C12orf56: variants seen among roughly 807,000 people sequenced by gnomAD.
The protein encoded by C12orf56 is chromosome 12 open reading frame 56, also known as uncharacterized protein C12orf56.
C12orf56 carries 71 observed loss-of-function variants against 69.9 expected under a neutral mutation model. That is an observed-to-expected ratio of 1.02 (90% CI 0.84 to 1.24). The LOEUF (loss-of-function observed/expected upper bound fraction) is 1.24, where lower values mean the gene tolerates loss of function less well. Ranked by LOEUF, C12orf56 falls within the 50% of genes most tolerant of loss-of-function variation. C12orf56 has a pLI of 0.00. For missense variants in C12orf56, 732 were observed against 738.5 expected, an observed-to-expected ratio of 0.99 and a Z score of 0.10; for synonymous variants, 276 against 274.1, an observed-to-expected ratio of 1.01 and a Z score of -0.07.
chr12:64,358,482 A>AATAATAATAATCATC (rs11275269), intron 1 of C12orf56, among the ~76,000 whole-genome samples: 1 of 125,948 alleles, frequency 7.9e-6, no homozygotes. Context: ...TAATAATAAT[A>AATAATAATAATCATC]ATCATCATCA....
intron 1 of C12orf56, among the ~76,000 whole-genome samples, chr12:64,354,484 T>C (rs921913172): frequency 2.6e-5 from 4 of 151,758 alleles, no homozygotes; most frequent in African/African-American, 9.7e-5. Context: ...TGAGATGGAG[T>C]CTTGCTCTTG....
chr12:64,280,366 T>C (rs1336903501), intron 8 of C12orf56, among the ~76,000 whole-genome samples: 1 of 152,226 alleles, frequency 6.6e-6, no homozygotes, highest in Non-Finnish European at 1.5e-5. Context: ...TTCTAATGTA[T>C]GAATTTTGAA....
At chr12:64,309,234 G>T (rs2038574560) in intron 5 of C12orf56, among the ~76,000 whole-genome samples, 1 of 152,064 alleles carries the variant, frequency 6.6e-6, no homozygotes, top group Non-Finnish European at 1.5e-5. Flanking sequence ...TCCATTTCCA[G>T]AACTTTTTCA....
intron 1 of C12orf56, among the ~76,000 whole-genome samples, chr12:64,382,187 A>G (rs753952532): frequency 9.4e-5 from 14 of 149,732 alleles, no homozygotes; most frequent in Non-Finnish European, 1.9e-4. Flanking sequence ...CGCTTGAACC[A>G]GGAGGCGGAG....
intron 6 of C12orf56, among the ~76,000 whole-genome samples, chr12:64,297,921 A>T (rs973901997): frequency 6.6e-6 from 1 of 152,232 alleles, no homozygotes; most frequent in Non-Finnish European, 1.5e-5. Flanking sequence ...TTGCTGAGTT[A>T]AATGGTATTT....
In C12orf56 at chr12:64,390,464, G is replaced by A. The variant is rs1220401355; in HGVS notation, c.102C>T (p.Arg34=). ...HLPPEVYDAV[R]AYEPCIVVSN... is the part of the protein sequence containing the mutation. ...ACACCACGATGCATGGCTCGTAGGCGCGGACCGCGTCGTAGACCTCGGGCG... is the reference window on the plus strand; with the variant it reads ...ACACCACGATGCATGGCTCGTAGGCACGGACCGCGTCGTAGACCTCGGGCG... Residue 34 remains arginine (R), a synonymous_variant, in exon 1 of 13, where the codon CGC becomes CGT. Coordinates refer to ENST00000543942, the MANE Select transcript of C12orf56 (RefSeq NM_001170633.2). 3 of 1,608,026 alleles carry A rather than the reference G, an allele frequency of 1.9e-6. No individual in the cohort carries two copies. Among genetic ancestry groups the A allele is most frequent in the African/African-American group, 1.3e-5 (1 of 74,918 alleles).
intron 1 of C12orf56, among the ~76,000 whole-genome samples, chr12:64,369,805 AC>A (rs2039545391): frequency 6.6e-6 from 1 of 151,178 alleles, no homozygotes; most frequent in Non-Finnish European, 1.5e-5. Flanking sequence ...ACATGGTGAA[AC>A]CCCGTCTCTA....
intron 8 of C12orf56, among the ~76,000 whole-genome samples, chr12:64,279,241 A>C (rs1471922024): frequency 2.0e-5 from 3 of 152,120 alleles, no homozygotes; most frequent in African/African-American, 7.2e-5. Context: ...TAAAATGCTT[A>C]TTTGATCCCA....
chr12:64,303,789 CAG>C lies in C12orf56; in HGVS notation c.969-12_969-11del, dbSNP rs747821217. 22 of 1,565,986 alleles carry C rather than the reference CAG, an allele frequency of 1.4e-5. No individual in the cohort carries two copies. The African/African-American group carries it at 2.5e-4, about 18-fold the overall frequency. On this transcript the variant is annotated splice_polypyrimidine_tract_variant and intron_variant, in intron 5 of 12. Coordinates refer to ENST00000543942, the MANE Select transcript of C12orf56 (RefSeq NM_001170633.2). ...AATTTTCTCCTCAGACCTACAGAAA[CAG>C]AAGAAAATTTTCCACTTAAAAAAAT...
chr12:64,365,743 AAT>A (rs1267769362), intron 1 of C12orf56, among the ~76,000 whole-genome samples: 21 of 143,882 alleles, frequency 1.5e-4, no homozygotes, highest in African/African-American at 2.3e-4. Flanking sequence ...TAGTTTATAT[AAT>A]ATATATAATA....
At position 64,384,187 on chromosome 12, in the gene C12orf56, G is replaced by A. The variant is rs560881629; in HGVS notation, c.252+6127C>T. Among the ~76,000 whole-genome samples the A allele has an allele frequency of 2.0e-5, 3 of 152,154 alleles. No homozygotes were observed. In the East Asian group the frequency reaches 5.8e-4, roughly 29 times the overall value. ...TTTTTTTAAGGTTGTGGCAGGACTC[G>A]GATTTGAAGACAAGCAATCTGACTT... On this transcript the variant is annotated intron_variant, in intron 1 of 12. Transcript: ENST00000543942.
intron 3 of C12orf56, among the ~76,000 whole-genome samples, chr12:64,328,876 C>T (rs1469804597): frequency 6.6e-6 from 1 of 150,554 alleles, no homozygotes; most frequent in African/African-American, 2.4e-5. Flanking sequence ...TCAGCCCGGT[C>T]AACATGGCAA....
At chr12:64,386,430 CT>C (rs1265423586) in intron 1 of C12orf56, among the ~76,000 whole-genome samples, 2 of 120,112 alleles carry the variant, frequency 1.7e-5, no homozygotes, top group African/African-American at 3.3e-5. Flanking sequence ...GAGTTCCACT[CT>C]TGTTGCACAG....
Position 64,265,739 on chromosome 12 carries a change from T to G in C12orf56, c.*1444A>C, listed in dbSNP as rs1000407656. On this transcript the variant is annotated 3_prime_UTR_variant, in exon 13 of 13. Coordinates refer to ENST00000543942, the MANE Select transcript of C12orf56 (RefSeq NM_001170633.2). ...TTGGAAGTAGATTTTTCTCTGATCC[T>G]CCCTCAAGTCATAATAAGTTGAATG... 1.3e-5 allele frequency: 2 copies of G among 152,266 alleles called. No homozygotes were observed. Among genetic ancestry groups the G allele is most frequent in the African/African-American group, 4.8e-5 (2 of 41,466 alleles). 9.4% of individuals were successfully genotyped at this position (152,266 alleles called of 1,614,324 possible).
intron 1 of C12orf56, among the ~76,000 whole-genome samples, chr12:64,365,876 C>T (rs1317772228): frequency 1.5e-4 from 20 of 130,922 alleles, no homozygotes; most frequent in South Asian, 2.4e-4. Context: ...ATATATTATA[C>T]ATTATATATA....
intron 3 of C12orf56, among the ~76,000 whole-genome samples, chr12:64,321,549 G>A (rs1216073134): frequency 6.6e-6 from 1 of 152,138 alleles, no homozygotes; most frequent in Non-Finnish European, 1.5e-5. Context: ...GCCAGGGCTG[G>A]TCTCAAACTC....
intron 5 of C12orf56, among the ~76,000 whole-genome samples, chr12:64,309,168 G>T (rs1057160852): frequency 6.6e-6 from 1 of 151,970 alleles, no homozygotes; most frequent in Non-Finnish European, 1.5e-5. Flanking sequence ...CCATTTTTAG[G>T]TGTACAATTC....
chr12:64,308,747 G>A (rs1353992007), intron 5 of C12orf56, among the ~76,000 whole-genome samples: 1 of 151,384 alleles, frequency 6.6e-6, no homozygotes, highest in Non-Finnish European at 1.5e-5. Context: ...GGAGGCTAAG[G>A]CAGGAGAATT....
At chr12:64,322,075 G>C (rs997468414) in intron 3 of C12orf56, among the ~76,000 whole-genome samples, 2 of 149,868 alleles carry the variant, frequency 1.3e-5, no homozygotes, top group African/African-American at 2.5e-5. Context: ...GAACTCCTGG[G>C]CTCAAGCGAT....
Sources: gnomAD v4.1 joint callset for allele counts (sites outside exome capture counted in the v4.1 genomes callset) on GRCh38, gnomAD v4.1.1 for gene constraint, MANE v1.5 for transcripts, NCBI Gene and HGNC (gene_info 2026-07-23, HGNC 2026-07-21) for gene names.